The following PCDH15 variants were observed in gnomAD, a reference collection of about 807,000 sequenced individuals.
PCDH15 encodes the protein protocadherin-15.
In PCDH15, 129 loss-of-function variants were observed where a neutral mutation model predicts 178.5. That is an observed-to-expected ratio of 0.72 (90% CI 0.63 to 0.84). PCDH15 has a LOEUF of 0.84. PCDH15 is among the 40% of genes least tolerant of loss of function. The pLI is 0.00. For missense variants in PCDH15, 2,230 were observed against 2,099.9 expected, an observed-to-expected ratio of 1.06 and a Z score of -1.21; for synonymous variants, 800 against 732.0, an observed-to-expected ratio of 1.09 and a Z score of -1.50.
At chr10:53,990,483 C>T (rs2091390561) in intron 21 of PCDH15, among the ~76,000 whole-genome samples, 2 of 148,716 alleles carry the variant, frequency 1.3e-5, no homozygotes, top group African/African-American at 2.5e-5. Context: ...TAAAAGTCTA[C>T]ATAATTCTCA....
intron 3 of PCDH15, among the ~76,000 whole-genome samples, chr10:54,508,969 G>A (rs1238103678): frequency 6.6e-6 from 1 of 151,980 alleles, no homozygotes; most frequent in East Asian, 1.9e-4. Context: ...ATAGCCTAAA[G>A]GTAATTTTAA....
intron 1 of PCDH15, among the ~76,000 whole-genome samples, chr10:54,736,959 C>A (rs1944208574): frequency 6.6e-6 from 1 of 152,000 alleles, no homozygotes; most frequent in Admixed American, 6.6e-5. Context: ...CCAGGGGGGA[C>A]AAAATCATAG....
chr10:53,833,545 T>C (rs1406600665), intron 29 of PCDH15, among the ~76,000 whole-genome samples: 3 of 152,112 alleles, frequency 2.0e-5, no homozygotes, highest in Non-Finnish European at 4.4e-5. Flanking sequence ...GCAAATGAGA[T>C]ATGCAGGGCT....
intron 2 of PCDH15, among the ~76,000 whole-genome samples, chr10:55,486,267 G>T (rs1021457977): frequency 6.6e-6 from 1 of 151,460 alleles, no homozygotes. Flanking sequence ...ATAAATGAAG[G>T]AAACAAGAAA....
chr10:53,824,871 T>TA (rs1355230545), intron 32 of PCDH15, among the ~76,000 whole-genome samples: 1 of 152,034 alleles, frequency 6.6e-6, no homozygotes, highest in Admixed American at 6.6e-5. Flanking sequence ...TAAGAATTTT[T>TA]AAAAACTAAT....
At chr10:54,826,800 T>G (rs1360995492) in intron 3 of PCDH15, among the ~76,000 whole-genome samples, 1 of 152,034 alleles carries the variant, frequency 6.6e-6, no homozygotes, top group Non-Finnish European at 1.5e-5. Flanking sequence ...GATGGGCTAA[T>G]ATATACCAGA....
chr10:55,251,397 A>C (rs2132224023), intron 1 of PCDH15, among the ~76,000 whole-genome samples: 1 of 152,244 alleles, frequency 6.6e-6, no homozygotes, highest in African/African-American at 2.4e-5. Flanking sequence ...GTCAAACAGT[A>C]ATCTGGTTTT....
intron 26 of PCDH15, among the ~76,000 whole-genome samples, chr10:53,878,841 G>A (rs2080477960): frequency 6.6e-6 from 1 of 152,030 alleles, no homozygotes; most frequent in South Asian, 2.1e-4. Flanking sequence ...AATTAGAATT[G>A]AAAGATTTGA....
chr10:54,103,762 T>C (rs1163261120), intron 15 of PCDH15, among the ~76,000 whole-genome samples: 1 of 152,164 alleles, frequency 6.6e-6, no homozygotes, highest in African/African-American at 2.4e-5. Context: ...AACCTTTTTT[T>C]AACTCCTGAA....
chr10:55,354,593 T>A (rs971257034), intron 2 of PCDH15, among the ~76,000 whole-genome samples: 1 of 152,084 alleles, frequency 6.6e-6, no homozygotes, highest in African/African-American at 2.4e-5. Flanking sequence ...TAAGAATATG[T>A]GTTAAAAATA....
intron 2 of PCDH15, among the ~76,000 whole-genome samples, chr10:55,013,367 C>T (rs1013058909): frequency 9.9e-5 from 14 of 140,706 alleles, no homozygotes; most frequent in Non-Finnish European, 1.9e-4. Flanking sequence ...AAACACAATT[C>T]TTATCAAAAT....
intron 2 of PCDH15, among the ~76,000 whole-genome samples, chr10:54,936,635 A>T (rs1447292150): frequency 6.6e-6 from 1 of 151,764 alleles, no homozygotes; most frequent in Non-Finnish European, 1.5e-5. Flanking sequence ...ATAACTAATG[A>T]TAATCATAAT....
intron 2 of PCDH15, among the ~76,000 whole-genome samples, chr10:55,602,256 G>C (rs1024375833): frequency 3.3e-5 from 5 of 152,140 alleles, no homozygotes; most frequent in African/African-American, 7.2e-5. Context: ...GAGTATCGCT[G>C]ATTGCTAGCA....
At chr10:55,187,111 G>A (rs965940973) in intron 1 of PCDH15, among the ~76,000 whole-genome samples, 7 of 151,758 alleles carry the variant, frequency 4.6e-5, no homozygotes, top group Non-Finnish European at 8.8e-5. Context: ...GATAGTCAAT[G>A]TTCATATACA....
intron 2 of PCDH15, among the ~76,000 whole-genome samples, chr10:55,013,305 T>G (rs2131945409): frequency 6.6e-6 from 1 of 152,210 alleles, no homozygotes. Context: ...CCTGAAAAAA[T>G]CTTTTGAAAA....
chr10:54,347,918 G>A (rs1249033606), intron 5 of PCDH15, among the ~76,000 whole-genome samples: 11 of 151,798 alleles, frequency 7.2e-5, no homozygotes, highest in African/African-American at 2.4e-4. Context: ...GCACGGTCTC[G>A]GCTTACTGCA....
At chr10:54,806,247 T>C (rs981004714), upstream of PCDH15, among the ~76,000 whole-genome samples, 14 of 152,304 alleles carry the variant, frequency 9.2e-5, no homozygotes, top group Middle Eastern at 3.4e-3. Flanking sequence ...AGTTTTTATA[T>C]GCTGGATGTA....
At chr10:55,129,015 G>A (rs1837975338) in intron 2 of PCDH15, among the ~76,000 whole-genome samples, 1 of 152,042 alleles carries the variant, frequency 6.6e-6, no homozygotes, top group African/African-American at 2.4e-5. Context: ...GTTGCCTGAT[G>A]TCCCATGGGA....
chr10:55,593,923 C>A (rs1842892714), intron 2 of PCDH15, among the ~76,000 whole-genome samples: 1 of 151,782 alleles, frequency 6.6e-6, no homozygotes, highest in South Asian at 2.1e-4. Context: ...CAGTTTATGG[C>A]AATTTCTATA....
Sources: gnomAD v4.1 joint callset for allele counts (sites outside exome capture counted in the v4.1 genomes callset) on GRCh38, gnomAD v4.1.1 for gene constraint, MANE v1.5 for transcripts, NCBI Gene and HGNC (gene_info 2026-07-23, HGNC 2026-07-21) for gene names.